The following TOP2B variants were observed in gnomAD, a reference collection of about 807,000 sequenced individuals.
TOP2B encodes DNA topoisomerase 2-beta.
TOP2B carries 51 observed loss-of-function variants against 193.5 expected under a neutral mutation model. That is an observed-to-expected ratio of 0.26 (90% CI 0.21 to 0.33). The LOEUF is 0.33. TOP2B is among the 10% of genes least tolerant of loss of function. The pLI is 1.00. For synonymous variants in TOP2B, 634 were observed against 635.7 expected, an observed-to-expected ratio of 1.00 and a Z score of 0.04; for missense variants, 1,378 against 1,909.3, an observed-to-expected ratio of 0.72 and a Z score of 5.19.
intron 32 of TOP2B, 49 bp from the exon 33 acceptor site, chr3:25,604,919 C>T: frequency 7.2e-7 from 1 of 1,395,220 alleles, no homozygotes; most frequent in Non-Finnish European, 1.0e-6. Flanking sequence ...ATAAAGATCT[C>T]TCAGTAAACT....
intron 4 of TOP2B, among the ~76,000 whole-genome samples, chr3:25,641,540 AAAAT>A (rs1050469018): frequency 6.6e-6 from 1 of 151,924 alleles, no homozygotes; most frequent in East Asian, 1.9e-4. Flanking sequence ...AATGGAGAAA[AAAAT>A]AAATAATCTC....
chr3:25,615,225 C>T lies in TOP2B; in HGVS notation c.3571G>A (p.Ala1191Thr), dbSNP rs534487496. 6.8e-6 allele frequency: 11 copies of T among 1,612,050 alleles called. No homozygotes were observed. The highest frequency in any genetic ancestry group is 9.3e-6 in the Non-Finnish European group (11 of 1,178,904). ...PSDLWKEDLAAFVEELDKVES... is the reference protein window; with the variant it reads ...PSDLWKEDLATFVEELDKVES... ...CCTACATCCAGTTCTTCAACAAATG[C>T]CGCTAAATCCTCTTTCCAAAGATCT... is the stretch of plus-strand genomic sequence containing the variant. The change falls in exon 27 of 36, where the codon GCA becomes ACA. Residue 1191 changes from alanine to threonine, a missense_variant. Ala to Thr is a moderately conservative substitution (Grantham distance 58, BLOSUM62 0). Around this residue, in one of 9 missense-constraint regions of TOP2B, gnomAD observed 556 missense variants for 584.2 expected, o/e 0.95. Transcript: ENST00000264331.
Position 25,618,663 on chromosome 3 carries a change from T to C in TOP2B, c.3250A>G (p.Ile1084Val), listed in dbSNP as rs1702576499. ...RFILEKIQGK[I>V]TIENRSKKDL... ...AAAGGTTGTATCTTACCTATAGTAA[T>C]TTTCCCTTGTATCTTCTCTAAAATG... Residue 1084 changes from isoleucine to valine, a missense_variant, in exon 24 of 36, where the codon ATT becomes GTT. Transcript: ENST00000264331. The C allele has an allele frequency of 1.2e-6, 2 of 1,606,060 alleles. No individual in the cohort carries two copies. The highest frequency in any genetic ancestry group is 2.2e-5 in the South Asian group (2 of 89,216).
chr3:25,627,058 G>C (rs1197428750), intron 16 of TOP2B, 129 bp downstream of exon 16: 2 of 741,518 alleles, frequency 2.7e-6, no homozygotes, highest in Non-Finnish European at 4.4e-6. Flanking sequence ...GCATCATCTG[G>C]GGGAAAAATT....
chr3:25,607,574 T>C (rs575222562), intron 30 of TOP2B, among the ~76,000 whole-genome samples, 199 bp from the exon 31 acceptor site: 2 of 152,330 alleles, frequency 1.3e-5, no homozygotes, highest in African/African-American at 2.4e-5. Context: ...TCTTACACTT[T>C]CCAGGAGGCT....
At chr3:25,635,881 C>T (rs1200141775) in intron 7 of TOP2B, 55 bp downstream of exon 7, 1 of 1,478,712 alleles carries the variant, frequency 6.8e-7, no homozygotes, top group Non-Finnish European at 9.3e-7. Context: ...GAAGACCCAA[C>T]AATATTCTCT....
chr3:25,632,878 T>C, intron 8 of TOP2B, 84 bp from the exon 9 acceptor site: 1 of 1,143,720 alleles, frequency 8.7e-7, no homozygotes, highest in Non-Finnish European at 1.3e-6. Context: ...AACCCTATTT[T>C]CTAAAAGAGT....
At position 25,643,728 on chromosome 3, in the gene TOP2B, C is replaced by G. The variant is rs771809518; in HGVS notation, c.297G>C (p.Val99=). 30 of 1,613,378 alleles carry G rather than the reference C, an allele frequency of 1.9e-5. No individual in the cohort carries two copies. The East Asian group carries it at 6.5e-4, about 35-fold the overall frequency. Residue 99 remains valine (V), a synonymous_variant, in exon 3 of 36, where the codon GTG becomes GTC. Coordinates refer to ENST00000264331, the MANE Select transcript of TOP2B (RefSeq NM_001330700.2). Reference sequence around the variant, plus strand: ...CATCAAAGATCTTGTATAAACCTGGCACAAAGGTAACCTCCCTGCAATTCA... The same window carrying G: ...CATCAAAGATCTTGTATAAACCTGGGACAAAGGTAACCTCCCTGCAATTCA... The part of the protein sequence containing the change: ...VGMNCREVTF[V]PGLYKIFDEI...
chr3:25,625,067 T>A, intron 18 of TOP2B: 1 of 272,230 alleles, frequency 3.7e-6, no homozygotes, highest in Non-Finnish European at 7.0e-6. Context: ...GACAACATTC[T>A]GGCCTTAAAG....
At chr3:25,618,591 T>C in intron 24 of TOP2B, 63 bp downstream of exon 24, 2 of 1,522,168 alleles carry the variant, frequency 1.3e-6, no homozygotes, top group Admixed American at 2.2e-5. Flanking sequence ...AAAAATGTCT[T>C]CTATTAATAA....
rs750430565 is a variant in TOP2B at position 25,618,381 on chromosome 3, A to G, written c.3351+37T>C. On this transcript the variant is annotated intron_variant, in intron 25 of 35. Coordinates refer to ENST00000264331, the MANE Select transcript of TOP2B (RefSeq NM_001330700.2). ...TTGTTTGTTTTGGAAGTTGCTTTTA[A>G]AAGCTTCTCTGAATGTCTTTTTCTG... is the stretch of plus-strand genomic sequence containing the variant. The G allele has an allele frequency of 5.9e-6, 9 of 1,527,220 alleles. 1 individual carries two copies. The South Asian group carries it at 8.0e-5, about 14-fold the overall frequency. 94.6% of individuals were successfully genotyped at this position (1,527,220 alleles called of 1,614,324 possible).
At position 25,638,249 on chromosome 3, in the gene TOP2B, C is replaced by A. The variant is rs1703157730; in HGVS notation, c.457G>T (p.Val153Leu). ...GKGIPVVEHK[V>L]EKVYVPALIF... ...AAAGCAGGAACATAAACTTTCTCTACCTTGTGTTCTACTACTGGAATGCCT... is the reference window on the plus strand; with the variant it reads ...AAAGCAGGAACATAAACTTTCTCTAACTTGTGTTCTACTACTGGAATGCCT... Residue 153 changes from valine to leucine, a missense_variant, in exon 5 of 36, where the codon GTA becomes TTA. Val to Leu is a conservative substitution (Grantham distance 32). Transcript: ENST00000264331. The A allele has an allele frequency of 2.1e-6, 3 of 1,459,230 alleles. No homozygotes were observed. The highest frequency in any genetic ancestry group is 3.0e-5 in the African/African-American group (2 of 65,710). 90.4% of individuals were successfully genotyped at this position (1,459,230 alleles called of 1,614,324 possible).
intron 1 of TOP2B, among the ~76,000 whole-genome samples, chr3:25,656,977 T>C (rs543992749): frequency 1.3e-5 from 2 of 152,190 alleles, no homozygotes; most frequent in Non-Finnish European, 2.9e-5. Context: ...ACTTTCTCAC[T>C]AGAGGCTATG....
At position 25,635,738 on chromosome 3, in the gene TOP2B, C is replaced by T. The variant is rs188865520; in HGVS notation, c.852+198G>A. 5.4e-3 allele frequency among the ~76,000 whole-genome samples: 821 copies of T among 151,726 alleles called. 2 individuals carry two copies. The highest frequency in any genetic ancestry group is 7.0e-3 in the Non-Finnish European group (478 of 67,898). ...ATCAAATAATGTAACATATATATAACCAAGAAGGAAAGGAAAGAACAAGAC... is the reference window on the plus strand; with the variant it reads ...ATCAAATAATGTAACATATATATAATCAAGAAGGAAAGGAAAGAACAAGAC... On this transcript the variant is annotated intron_variant, in intron 7 of 35. Coordinates refer to ENST00000264331, the MANE Select transcript of TOP2B (RefSeq NM_001330700.2).
chr3:25,608,303 T>G (rs892414384), intron 30 of TOP2B, among the ~76,000 whole-genome samples: 1 of 152,262 alleles, frequency 6.6e-6, no homozygotes, highest in Non-Finnish European at 1.5e-5. Context: ...TATTATAATT[T>G]CTAGCATGTA....
chr3:25,627,738 T>C (rs1702843128), intron 15 of TOP2B, among the ~76,000 whole-genome samples: 1 of 152,016 alleles, frequency 6.6e-6, no homozygotes, highest in Admixed American at 6.6e-5. Flanking sequence ...CCAAATGCAA[T>C]GTGTGGACCT....
In TOP2B at chr3:25,622,979, T is replaced by A. The variant is rs566462394; in HGVS notation, c.2727+536A>T. On this transcript the variant is annotated intron_variant, in intron 21 of 35. Transcript: ENST00000264331. ...ATTTAGTAGAGATGGAGTTTCCCCA[T>A]GTTGGTCAGTCTGGTCTCGAACTCC... Among the ~76,000 whole-genome samples, 5 of 152,200 alleles carry A rather than the reference T, an allele frequency of 3.3e-5. No homozygotes were observed. In the South Asian group the frequency reaches 1.0e-3, roughly 32 times the overall value.
chr3:25,625,973 G>A (rs1285749901), intron 18 of TOP2B, among the ~76,000 whole-genome samples: 3 of 152,090 alleles, frequency 2.0e-5, no homozygotes, highest in African/African-American at 7.2e-5. Context: ...GCGATTTGTG[G>A]CTAGAACTTG....
intron 1 of TOP2B, among the ~76,000 whole-genome samples, chr3:25,658,465 G>A (rs1703816276): frequency 6.6e-6 from 1 of 151,872 alleles, no homozygotes; most frequent in African/African-American, 2.4e-5. Context: ...CAATAAAAGT[G>A]TAAAATAATC....
Sources: gnomAD v4.1 joint callset for allele counts (sites outside exome capture counted in the v4.1 genomes callset) on GRCh38, gnomAD v4.1.1 for gene constraint, gnomAD v4.1.1 regional missense constraint, MANE v1.5 for transcripts, NCBI Gene and HGNC (gene_info 2026-07-23, HGNC 2026-07-21) for gene names.